The following EPHA7 variants were observed in gnomAD, a reference collection of about 807,000 sequenced individuals.
The protein encoded by EPHA7 is ephrin type-A receptor 7.
A neutral mutation model predicts 112.6 loss-of-function variants in EPHA7; 25 were observed. That is an observed-to-expected ratio of 0.22 (90% CI 0.16 to 0.31). The LOEUF (loss-of-function observed/expected upper bound fraction) is 0.31. Ranked by LOEUF, EPHA7 falls within the 10% of genes least tolerant of loss-of-function variation. The pLI is 1.00. For synonymous variants in EPHA7, 437 were observed against 406.5 expected, an observed-to-expected ratio of 1.07 and a Z score of -0.90; for missense variants, 962 against 1,212.6, an observed-to-expected ratio of 0.79 and a Z score of 3.07.
chr6:93,257,650 T>C (rs1274462154), intron 11 of EPHA7, 127 bp from the exon 12 acceptor site: 3 of 626,890 alleles, frequency 4.8e-6, no homozygotes, highest in Non-Finnish European at 8.1e-6. Flanking sequence ...GAGCATTTCT[T>C]TTATTGTTGC....
intron 5 of EPHA7, among the ~76,000 whole-genome samples, chr6:93,327,782 T>C (rs1774393736): frequency 6.6e-6 from 1 of 151,412 alleles, no homozygotes; most frequent in Non-Finnish European, 1.5e-5. Context: ...ATTATTGCAA[T>C]AGCCTCCTAA....
At position 93,358,415 on chromosome 6, in the gene EPHA7, G is replaced by C; in HGVS notation, c.833-4C>G. 1 of 1,591,442 alleles carries C rather than the reference G, an allele frequency of 6.3e-7. No individual in the cohort carries two copies. The highest frequency in any genetic ancestry group is 8.5e-7 in the Non-Finnish European group (1 of 1,169,954). On this transcript the variant is annotated splice_region_variant and splice_polypyrimidine_tract_variant and intron_variant, in intron 3 of 16. Coordinates refer to ENST00000369303, the MANE Select transcript of EPHA7 (RefSeq NM_004440.4). ...TTGTAGAACCCACGGCCACAGGCTG[G>C]GAATGCAAAAGAAAGCAAAAATTGA...
chr6:93,241,918 T>C lies in EPHA7; in HGVS notation c.*1508A>G. 1 of 217,736 alleles carries C rather than the reference T, an allele frequency of 4.6e-6. No homozygotes were observed. The highest frequency in any genetic ancestry group is 5.8e-5 in the Admixed American group (1 of 17,230). The allele number at this position is 217,736 out of a possible 1,614,324, so 13.5% of individuals were successfully genotyped here. ...TTTGTTTGTTTGTGGATGCCCACAT[T>C]ATCAAACAAGACCAATTATGACCGA... is the stretch of plus-strand genomic sequence containing the variant. On this transcript the variant is annotated 3_prime_UTR_variant, in exon 17 of 17. Transcript: ENST00000369303.
chr6:93,311,112 C>CTCTTTTTTTTTTTTTTTTTTT (rs1434719790), intron 5 of EPHA7, among the ~76,000 whole-genome samples: 1 of 71,030 alleles, frequency 1.4e-5, no homozygotes, highest in African/African-American at 6.7e-5. Flanking sequence ...TCATGCCCAG[C>CTCTTTTTTTTTTTTTTTTTTT]TATTTTTTTT....
chr6:93,322,744 C>A (rs1439813473), intron 5 of EPHA7, among the ~76,000 whole-genome samples: 1 of 151,538 alleles, frequency 6.6e-6, no homozygotes, highest in Non-Finnish European at 1.5e-5. Flanking sequence ...ATTAAATATT[C>A]TCTTTGGATT....
intron 5 of EPHA7, among the ~76,000 whole-genome samples, chr6:93,307,934 T>A (rs1773339442): frequency 6.6e-6 from 1 of 152,148 alleles, no homozygotes; most frequent in Admixed American, 6.5e-5. Flanking sequence ...ATATCAAGAC[T>A]TTTTCCCGAT....
intron 3 of EPHA7, among the ~76,000 whole-genome samples, chr6:93,403,171 C>T (rs983559640): frequency 2.6e-5 from 4 of 151,840 alleles, no homozygotes; most frequent in Non-Finnish European, 4.4e-5. Flanking sequence ...TACAGACTAG[C>T]CATATACAAG....
At chr6:93,391,507 A>G (rs567747148) in intron 3 of EPHA7, among the ~76,000 whole-genome samples, 26 of 152,128 alleles carry the variant, frequency 1.7e-4, no homozygotes, top group African/African-American at 6.3e-4. Context: ...AGAAAAGGAC[A>G]GAGAAGGACC....
intron 1 of EPHA7, among the ~76,000 whole-genome samples, chr6:93,416,635 C>A (rs1480773630): frequency 6.6e-6 from 1 of 152,222 alleles, no homozygotes; most frequent in Non-Finnish European, 1.5e-5. Context: ...TCTGGTTAAA[C>A]CCTCAAAAGA....
At chr6:93,363,636 C>T (rs1384999848) in intron 3 of EPHA7, among the ~76,000 whole-genome samples, 1 of 152,104 alleles carries the variant, frequency 6.6e-6, no homozygotes, top group Non-Finnish European at 1.5e-5. Flanking sequence ...GGTGCAGCCA[C>T]TTTCAAAAAG....
chr6:93,306,053 GA>G (rs1207982042), intron 5 of EPHA7, among the ~76,000 whole-genome samples: 1 of 151,898 alleles, frequency 6.6e-6, no homozygotes, highest in African/African-American at 2.4e-5. Context: ...AGGGCAGTGT[GA>G]AAATCACTAT....
chr6:93,405,320 T>C (rs569500975), intron 3 of EPHA7, among the ~76,000 whole-genome samples: 5 of 152,010 alleles, frequency 3.3e-5, no homozygotes, highest in Admixed American at 3.3e-4. Context: ...GACATTTAGG[T>C]TATTATCAAT....
intron 5 of EPHA7, among the ~76,000 whole-genome samples, chr6:93,281,704 A>G (rs1331695309): frequency 6.6e-6 from 1 of 152,170 alleles, no homozygotes; most frequent in Admixed American, 6.5e-5. Flanking sequence ...AAAGAGAGAA[A>G]TAATAGTATT....
chr6:93,369,664 T>C (rs1227309542), intron 3 of EPHA7, among the ~76,000 whole-genome samples: 2 of 152,208 alleles, frequency 1.3e-5, no homozygotes, highest in Non-Finnish European at 2.9e-5. Context: ...ATTATTTCTT[T>C]ATGCATGTGT....
chr6:93,398,830 A>G (rs1778305014), intron 3 of EPHA7, among the ~76,000 whole-genome samples: 1 of 152,088 alleles, frequency 6.6e-6, no homozygotes, highest in Non-Finnish European at 1.5e-5. Flanking sequence ...TCCTGTATAT[A>G]ATGTTTGTGC....
intron 4 of EPHA7, 75 bp downstream of exon 4, chr6:93,358,181 T>C: frequency 1.8e-6 from 2 of 1,108,380 alleles, no homozygotes; most frequent in Non-Finnish European, 2.4e-6. Context: ...ATTCAATATC[T>C]ATTTCATTGA....
chr6:93,243,795 C>T, intron 16 of EPHA7, among the ~76,000 whole-genome samples: 1 of 152,040 alleles, frequency 6.6e-6, no homozygotes, highest in East Asian at 1.9e-4. Context: ...TGAAATTTTA[C>T]ATAAGAAATT....
At chr6:93,371,686 G>C (rs1776806613) in intron 3 of EPHA7, among the ~76,000 whole-genome samples, 1 of 152,128 alleles carries the variant, frequency 6.6e-6, no homozygotes, top group Non-Finnish European at 1.5e-5. Context: ...TTCTTACAAA[G>C]GAAATGAAAA....
At chr6:93,344,874 T>C (rs889736681) in intron 5 of EPHA7, among the ~76,000 whole-genome samples, 8 of 151,602 alleles carry the variant, frequency 5.3e-5, no homozygotes, top group Non-Finnish European at 8.9e-5. Context: ...ATTTGTTTTC[T>C]CAAAACTTTT....
Sources: allele counts gnomAD v4.1 joint callset (sites outside exome capture counted in the v4.1 genomes callset), GRCh38; gene constraint gnomAD v4.1.1; transcripts MANE v1.5; gene names NCBI Gene and HGNC (gene_info 2026-07-23, HGNC 2026-07-21).